The following FBXO34 variants were observed in gnomAD, a reference collection of about 807,000 sequenced individuals.
FBXO34 encodes the protein F-box only protein 34.
FBXO34 carries 12 observed loss-of-function variants against 24.5 expected under a neutral mutation model. The ratio of observed to expected loss-of-function variants is 0.49; its 90% confidence interval spans 0.31 to 0.79. FBXO34 has a LOEUF of 0.79. Among genes scored for constraint, FBXO34 ranks in the 30% least tolerant of loss-of-function variants. FBXO34 has a pLI of 0.04. For missense variants in FBXO34, 823 were observed against 857.7 expected, an observed-to-expected ratio of 0.96 and a Z score of 0.51; for synonymous variants, 320 against 311.9, an observed-to-expected ratio of 1.03 and a Z score of -0.27.
chr14:55,345,520 C>A (rs1884130771), intron 1 of FBXO34, among the ~76,000 whole-genome samples: 1 of 152,196 alleles, frequency 6.6e-6, no homozygotes, highest in Non-Finnish European at 1.5e-5. Context: ...GTCCCCTTCT[C>A]CCTCTTCATC....
intron 1 of FBXO34, among the ~76,000 whole-genome samples, chr14:55,301,353 C>G (rs1342810567): frequency 6.6e-6 from 1 of 152,022 alleles, no homozygotes; most frequent in Non-Finnish European, 1.5e-5. Flanking sequence ...GGGAGGATCA[C>G]CTGAGCCCAG....
intron 1 of FBXO34, among the ~76,000 whole-genome samples, chr14:55,343,150 A>G (rs936255598): frequency 5.3e-5 from 8 of 152,060 alleles, no homozygotes; most frequent in African/African-American, 1.9e-4. Context: ...GACACAAATG[A>G]TGAATTTTCT....
chr14:55,340,040 C>T (rs1342388984), intron 1 of FBXO34, among the ~76,000 whole-genome samples: 1 of 152,150 alleles, frequency 6.6e-6, no homozygotes, highest in Non-Finnish European at 1.5e-5. Context: ...AGTCTTTTGT[C>T]TACATTGATG....
intron 1 of FBXO34, among the ~76,000 whole-genome samples, chr14:55,309,350 G>A (rs1882658008): frequency 1.3e-5 from 2 of 152,134 alleles, no homozygotes; most frequent in Admixed American, 1.3e-4. Context: ...AATGTCTCAG[G>A]TTTCCAGAAC....
At chr14:55,373,620 C>T (rs891340198), downstream of FBXO34, among the ~76,000 whole-genome samples, 1 of 152,048 alleles carries the variant, frequency 6.6e-6, no homozygotes, top group Non-Finnish European at 1.5e-5. Context: ...CCACCACGCC[C>T]AGATAATTTC....
chr14:55,366,401 A>G (rs546503675), downstream of FBXO34: 18 of 152,804 alleles, frequency 1.2e-4, no homozygotes, highest in African/African-American at 4.1e-4. Flanking sequence ...TACTGTTAAA[A>G]GATTTATTGC....
chr14:55,315,679 TTTCTAGTTTC>T (rs1230807326), intron 1 of FBXO34, among the ~76,000 whole-genome samples: 2 of 152,234 alleles, frequency 1.3e-5, no homozygotes, highest in African/African-American at 4.8e-5. Flanking sequence ...GTTCCATTGT[TTTCTAGTTTC>T]TTCTATGCTT....
intron 3 of FBXO34, among the ~76,000 whole-genome samples, chr14:55,359,425 A>G (rs1884564285): frequency 6.6e-6 from 1 of 152,184 alleles, no homozygotes; most frequent in Admixed American, 6.5e-5. Context: ...TGCATATACA[A>G]GTTATGTTTA....
chr14:55,369,956 A>G, downstream of FBXO34: 1 of 1,546,074 alleles, frequency 6.5e-7, no homozygotes, highest in Non-Finnish European at 8.7e-7. Context: ...TCTCTTTAGG[A>G]TAACAACCAT....
chr14:55,424,867 C>A, the FBXO34 span, among the ~76,000 whole-genome samples: 2 of 152,138 alleles, frequency 1.3e-5, no homozygotes, highest in African/African-American at 2.4e-5. Flanking sequence ...CACTTAAGAG[C>A]TTCTTCTCCA....
intron 1 of FBXO34, among the ~76,000 whole-genome samples, chr14:55,277,956 C>T (rs944544463): frequency 1.3e-5 from 2 of 152,136 alleles, no homozygotes; most frequent in African/African-American, 4.8e-5. Context: ...GCTGAATCAA[C>T]AGATTAGTCT....
chr14:55,415,641 G>C, the FBXO34 span, among the ~76,000 whole-genome samples: 1 of 152,134 alleles, frequency 6.6e-6, no homozygotes, highest in Non-Finnish European at 1.5e-5. Context: ...CAGGCAGGTG[G>C]ATCACCTGAG....
the FBXO34 span, among the ~76,000 whole-genome samples, chr14:55,405,960 G>T: frequency 6.6e-6 from 1 of 152,092 alleles, no homozygotes; most frequent in East Asian, 1.9e-4. Flanking sequence ...GGGCAAGGTG[G>T]GGGATGAGGA....
At chr14:55,332,890 C>T (rs528405541) in intron 1 of FBXO34, among the ~76,000 whole-genome samples, 7 of 152,224 alleles carry the variant, frequency 4.6e-5, no homozygotes, top group Admixed American at 2.6e-4. Flanking sequence ...GAGCCACTAG[C>T]GGACAGAGAC....
chr14:55,314,647 A>G (rs1279011232), intron 1 of FBXO34, among the ~76,000 whole-genome samples: 2 of 152,250 alleles, frequency 1.3e-5, no homozygotes, highest in East Asian at 1.9e-4. Context: ...AATTTTGATT[A>G]TACAGCAATA....
At chr14:55,429,002 T>C in the FBXO34 span, 1 of 1,612,116 alleles carries the variant, frequency 6.2e-7, no homozygotes, top group Non-Finnish European at 8.5e-7. Context: ...TGTTTAAAGA[T>C]GTCTTAATCG....
chr14:55,385,718 T>C, the FBXO34 span: 4 of 810,196 alleles, frequency 4.9e-6, no homozygotes, highest in Admixed American at 5.7e-5. Flanking sequence ...GTACTGTTTG[T>C]TGAAACAGAT....
At chr14:55,310,567 C>T (rs566033797) in intron 1 of FBXO34, among the ~76,000 whole-genome samples, 111 of 152,266 alleles carry the variant, frequency 7.3e-4, no homozygotes, top group South Asian at 2.5e-3. Context: ...GTCTGTCCTA[C>T]CTCAATTTTA....
At chr14:55,378,626 C>T in the FBXO34 span, among the ~76,000 whole-genome samples, 2 of 152,132 alleles carry the variant, frequency 1.3e-5, no homozygotes, top group African/African-American at 4.8e-5. Context: ...TCCCTCCCTC[C>T]CTCAGTTCCC....
Sources: allele counts gnomAD v4.1 joint callset (sites outside exome capture counted in the v4.1 genomes callset), GRCh38; gene constraint gnomAD v4.1.1; transcripts MANE v1.5; gene names NCBI Gene and HGNC (gene_info 2026-07-23, HGNC 2026-07-21).